Variants in MGAT5B observed in about 807,000 individuals in gnomAD.
MGAT5B encodes the protein N-acetylglucosaminyl-transferase Vb.
Under a neutral mutation model 95.1 loss-of-function variants are expected in MGAT5B, and 54 were observed. The ratio of observed to expected loss-of-function variants is 0.57; its 90% CI spans 0.46 to 0.71. MGAT5B has a LOEUF of 0.71. MGAT5B is among the 30% of genes least tolerant of loss of function. The pLI is 0.00. For synonymous variants in MGAT5B, 464 were observed against 451.0 expected (o/e 1.03, Z -0.36); for missense variants, 935 against 1,088.6 (o/e 0.86, Z 1.99).
chr17:76,912,664 C>T lies in MGAT5B; in HGVS notation c.1025+6477C>T, dbSNP rs562730078. Among the ~76,000 whole-genome samples the T allele has an allele frequency of 3.3e-5, 5 of 152,196 alleles. No homozygotes were observed. Among genetic ancestry groups the T allele is most frequent in the East Asian group, 1.9e-4 (1 of 5,184 alleles). Reference sequence around the variant, plus strand: ...TCAATTAACTGGCTCACTGGAGTGACGTTTGGGGCAATGTGCAGGATCTAC... The same window carrying T: ...TCAATTAACTGGCTCACTGGAGTGATGTTTGGGGCAATGTGCAGGATCTAC... On this transcript the variant is annotated intron_variant, in intron 8 of 17. Transcript: ENST00000569840. The surrounding 1 kb of genome is among the most constrained non-coding windows in gnomAD (Gnocchi z 5.0).
chr17:76,922,856 C>CA (rs1969161225), intron 8 of MGAT5B, among the ~76,000 whole-genome samples: 1 of 152,156 alleles, frequency 6.6e-6, no homozygotes, highest in Admixed American at 6.5e-5. Flanking sequence ...ATTCCCCTCT[C>CA]ACACTTAGCA....
intron 8 of MGAT5B, among the ~76,000 whole-genome samples, chr17:76,921,681 A>G (rs1239609227): frequency 6.6e-6 from 1 of 152,108 alleles, no homozygotes; most frequent in East Asian, 1.9e-4. Flanking sequence ...TGTTGCTTCC[A>G]CAGGGGTTAG....
In MGAT5B at chr17:76,930,118, C is replaced by G. The variant is rs952169213; in HGVS notation, c.1292-2527C>G. 5.3e-5 allele frequency among the ~76,000 whole-genome samples: 8 copies of G among 152,106 alleles called. No homozygotes were observed. The highest frequency in any genetic ancestry group is 2.6e-4 in the Admixed American group (4 of 15,276). ...GGAGAGCTGTCCTGACCCTGACCAC[C>G]CACAGAAAGAACTCCAGGCTTCCAG... On this transcript the variant is annotated intron_variant, in intron 10 of 17. Coordinates refer to ENST00000569840, the MANE Select transcript of MGAT5B (RefSeq NM_001199172.2). This position sits in a 1 kb window ranked among gnomAD's most constrained non-coding sequence, Gnocchi z 4.1.
At chr17:76,886,849 G>A (rs1224139760) in intron 3 of MGAT5B, among the ~76,000 whole-genome samples, 1 of 152,138 alleles carries the variant, frequency 6.6e-6, no homozygotes, top group Non-Finnish European at 1.5e-5. Context: ...TTCGAGACCA[G>A]CCTGGCCAAC....
intron 8 of MGAT5B, chr17:76,924,262 G>A (rs1411866570): frequency 2.6e-5 from 4 of 152,470 alleles, no homozygotes; most frequent in East Asian, 3.9e-4. Context: ...CTGGAGCTGG[G>A]GGCCTGGGGG....
rs1400109272 is a variant in MGAT5B at position 76,889,018 on chromosome 17, C to T, written c.329+6720C>T. Among the ~76,000 whole-genome samples, 1 of 152,194 alleles carries T rather than the reference C, an allele frequency of 6.6e-6. No homozygotes were observed. Among genetic ancestry groups the T allele is most frequent in the East Asian group, 1.9e-4 (1 of 5,196 alleles). ...CTTGGGAAGAGGGGTGGGCGGTGATCAGAGGCCTCGCTTGGCATTCTTTTA... is the reference window on the plus strand; with the variant it reads ...CTTGGGAAGAGGGGTGGGCGGTGATTAGAGGCCTCGCTTGGCATTCTTTTA... On this transcript the variant is annotated intron_variant, in intron 3 of 17. Coordinates refer to ENST00000569840, the MANE Select transcript of MGAT5B (RefSeq NM_001199172.2). The surrounding 1 kb of genome is among the most constrained non-coding windows in gnomAD (Gnocchi z 4.4).
intron 16 of MGAT5B, among the ~76,000 whole-genome samples, 185 bp downstream of exon 16, chr17:76,946,635 G>T (rs553772803): frequency 6.7e-6 from 1 of 150,132 alleles, no homozygotes; most frequent in Non-Finnish European, 1.5e-5. Flanking sequence ...CTGACTGCGG[G>T]CCTGGAAAGC....
intron 3 of MGAT5B, among the ~76,000 whole-genome samples, chr17:76,893,688 TTAGGGTGGTTGTTGCCTGGGA>T (rs1476003543): frequency 1.3e-5 from 2 of 152,096 alleles, no homozygotes; most frequent in South Asian, 4.1e-4. Flanking sequence ...TTCTTCAGGG[TTAGGGTGGTTGTTGCCTGGGA>T]AACTCCTTCT....
At chr17:76,877,877 T>C (rs1447180975) in intron 2 of MGAT5B, among the ~76,000 whole-genome samples, 1 of 151,674 alleles carries the variant, frequency 6.6e-6, no homozygotes, top group African/African-American at 2.4e-5. Context: ...ACGAAGAGCG[T>C]CTGGGGAGGA....
chr17:76,914,106 AAAGAG>A lies in MGAT5B; in HGVS notation c.1025+7924_1025+7928del, dbSNP rs1968843275. 2.3e-5 allele frequency: 4 copies of A among 173,334 alleles called. No homozygotes were observed. The highest frequency in any genetic ancestry group is 5.0e-5 in the Non-Finnish European group (4 of 80,652). The allele number at this position is 173,334 out of a possible 1,614,324, so 10.7% of individuals were successfully genotyped here. ...ACAAAGCAAGACTGTCTCAAAAAAA[AAAGAG>A]AAGAAGAAGAAGAAAGAAAGAAGGA... is the stretch of plus-strand genomic sequence containing the variant. On this transcript the variant is annotated intron_variant, in intron 8 of 17. Coordinates refer to ENST00000569840, the MANE Select transcript of MGAT5B (RefSeq NM_001199172.2). The surrounding 1 kb of genome is among the most constrained non-coding windows in gnomAD (Gnocchi z 5.1).
chr17:76,936,342 AG>A lies in MGAT5B; in HGVS notation c.1429-1644del, dbSNP rs1373824839. On this transcript the variant is annotated intron_variant, in intron 12 of 17. Coordinates refer to ENST00000569840, the MANE Select transcript of MGAT5B (RefSeq NM_001199172.2). Reference sequence around the variant, plus strand: ...AGAATTGTTTGAACCTGGGAGGCGGAGGTTGCAGTGAGTCGAGATCGCACCA... The same window carrying A: ...AGAATTGTTTGAACCTGGGAGGCGGAGTTGCAGTGAGTCGAGATCGCACCA... 1.1e-4 allele frequency among the ~76,000 whole-genome samples: 16 copies of A among 152,218 alleles called. No homozygotes were observed. In the East Asian group the frequency reaches 2.9e-3, roughly 27 times the overall value.
At position 76,872,882 on chromosome 17, in the gene MGAT5B, C is replaced by G; in HGVS notation, c.100C>G (p.Leu34Val). 1.2e-6 allele frequency: 2 copies of G among 1,614,228 alleles called. No individual in the cohort carries two copies. The highest frequency in any genetic ancestry group is 1.7e-6 in the Non-Finnish European group (2 of 1,180,048). Residue 34 changes from leucine (L) to valine (V), a missense_variant, in exon 2 of 18, where the codon CTC (leucine) becomes GTC (valine). By Grantham distance (32) the Leu-to-Val change is conservative. Around this residue, in one of 4 missense-constraint regions of MGAT5B, gnomAD observed 243 missense variants for 228.2 expected, o/e 1.06. Transcript: ENST00000569840. ...LFVLGIGFFTLCFLMTSLGGQ... is the reference protein window; with the variant it reads ...LFVLGIGFFTVCFLMTSLGGQ... ...TGTCCTGGGCATCGGCTTCTTCACT[C>G]TCTGCTTCCTGATGACGTCTCTGGG...
In MGAT5B at chr17:76,912,909, G is replaced by C. The variant is rs1319052443; in HGVS notation, c.1025+6722G>C. On this transcript the variant is annotated intron_variant, in intron 8 of 17. Coordinates refer to ENST00000569840, the MANE Select transcript of MGAT5B (RefSeq NM_001199172.2). This position sits in a 1 kb window ranked among gnomAD's most constrained non-coding sequence, Gnocchi z 5.0. ...TCCAGGGTGGGCGTTTTAAAGTTAA[G>C]CCTTTCCCTTCCTGCTTTCCTAGCA... Among the ~76,000 whole-genome samples, 1 of 152,196 alleles carries C rather than the reference G, an allele frequency of 6.6e-6. No homozygotes were observed. Among genetic ancestry groups the C allele is most frequent in the African/African-American group, 2.4e-5 (1 of 41,448 alleles).
chr17:76,925,225 C>A, intron 9 of MGAT5B, 128 bp downstream of exon 9: 1 of 875,964 alleles, frequency 1.1e-6, no homozygotes, highest in Non-Finnish European at 1.6e-6. Flanking sequence ...TGTCCTGCAT[C>A]CTGCCCTCCG....
chr17:76,906,166 T>G lies in MGAT5B; in HGVS notation c.1004T>G (p.Val335Gly). The G allele has an allele frequency of 6.2e-7, 1 of 1,605,232 alleles. No individual in the cohort carries two copies. Among genetic ancestry groups the G allele is most frequent in the Non-Finnish European group, 8.5e-7 (1 of 1,176,408 alleles). ...YVLGHGLRVT[V>G]SLKELQSNLG... is the part of the protein sequence containing the mutation. ...CTGGGCCATGGCCTGCGGGTCACAG[T>G]CTCCCTGAAGGAGCTGCAGAGGTGA... is the stretch of plus-strand genomic sequence containing the variant. Residue 335 changes from valine (V) to glycine (G), a missense_variant, in exon 8 of 18, where the codon GTC becomes GGC. Around this residue, in one of 4 missense-constraint regions of MGAT5B, gnomAD observed 243 missense variants for 305.5 expected, o/e 0.80. Transcript: ENST00000569840. This position sits in a 1 kb window ranked among gnomAD's most constrained non-coding sequence, Gnocchi z 4.6.
chr17:76,876,275 C>T (rs1967184875), intron 2 of MGAT5B, among the ~76,000 whole-genome samples: 1 of 152,056 alleles, frequency 6.6e-6, no homozygotes, highest in Non-Finnish European at 1.5e-5. Context: ...AGGATTAGGG[C>T]TTCACGGGGA....
At chr17:76,936,308 T>C (rs955088893) in intron 12 of MGAT5B, among the ~76,000 whole-genome samples, 30 of 152,222 alleles carry the variant, frequency 2.0e-4, no homozygotes, top group Admixed American at 1.6e-3. Context: ...CTCAGGAGGC[T>C]GAGGCAGGAG....
chr17:76,934,144 A>G (rs4789377), intron 12 of MGAT5B, among the ~76,000 whole-genome samples: 65,281 of 152,032 alleles, frequency 0.43, 14,373 homozygotes, highest in East Asian at 0.65. Flanking sequence ...GGATCTCACC[A>G]TCTGGGTTGT....
intron 3 of MGAT5B, among the ~76,000 whole-genome samples, chr17:76,885,233 T>A (rs181584260): frequency 6.6e-6 from 1 of 152,198 alleles, no homozygotes; most frequent in Non-Finnish European, 1.5e-5. Flanking sequence ...TCTCTGACAC[T>A]GTCTGTGTGC....
Sources: gnomAD v4.1 joint callset for allele counts (sites outside exome capture counted in the v4.1 genomes callset) on GRCh38, gnomAD v4.1.1 for gene constraint, gnomAD v4.1.1 regional missense constraint, Gnocchi (gnomAD v3.1) non-coding constraint, MANE v1.5 for transcripts, NCBI Gene and HGNC (gene_info 2026-07-23, HGNC 2026-07-21) for gene names.